VAV3: variants seen among roughly 807,000 people sequenced by gnomAD.
VAV3 encodes the protein vav guanine nucleotide exchange factor 3, also known as guanine nucleotide exchange factor VAV3.
VAV3 carries 94 observed loss-of-function variants against 131.2 expected under a neutral mutation model. The observed-to-expected ratio is 0.72, with a 90% confidence interval of 0.61 to 0.85. The LOEUF (loss-of-function observed/expected upper bound fraction) is 0.85. VAV3 is among the 40% of genes least tolerant of loss of function. The pLI, the probability that VAV3 is intolerant of heterozygous loss-of-function variation, is 0.00. For missense variants in VAV3, 939 were observed against 1,002.7 expected (o/e 0.94, Z 0.86); for synonymous variants, 349 against 342.0 (o/e 1.02, Z -0.22).
intron 2 of VAV3, among the ~76,000 whole-genome samples, chr1:107,834,082 G>C (rs17020151): frequency 0.059 from 9,026 of 152,178 alleles, 523 homozygotes; most frequent in African/African-American, 0.15. Flanking sequence ...AGAACCAGGT[G>C]TTTTAACTAC....
intron 17 of VAV3, among the ~76,000 whole-genome samples, chr1:107,703,257 G>T (rs1200208090): frequency 6.6e-6 from 1 of 152,144 alleles, no homozygotes; most frequent in Admixed American, 6.5e-5. Flanking sequence ...GGCAATTAAA[G>T]AATAACAACA....
chr1:107,753,485 T>TGTATATATACACAC (rs1663868242), intron 12 of VAV3, among the ~76,000 whole-genome samples: 1 of 110,516 alleles, frequency 9.0e-6, no homozygotes, highest in African/African-American at 3.4e-5. Context: ...TGTGTGTGTG[T>TGTATATATACACAC]ATATATATAC....
At chr1:107,588,715 C>A (rs1650698648) in intron 25 of VAV3, among the ~76,000 whole-genome samples, 1 of 152,188 alleles carries the variant, frequency 6.6e-6, no homozygotes, top group South Asian at 2.1e-4. Flanking sequence ...CAAAAGAAAT[C>A]TTTTCATGGT....
At position 107,683,519 on chromosome 1, in the gene VAV3, T is replaced by C; in HGVS notation, c.1746A>G (p.Gly582=). 1 of 1,614,014 alleles carries C rather than the reference T, an allele frequency of 6.2e-7. No individual in the cohort carries two copies. The stretch of plus-strand genomic sequence containing the variant: ...CCACCTGTTTAGGAGTTCTTCGCAG[T>C]CCATTGGTCCGTTTCTGTGCAGTAA... The part of the protein sequence containing the change: ...TLKLPEKRTN[G]LRRTPKQVDP... The change falls in exon 19 of 27, where the codon GGA becomes GGG. Residue 582 remains glycine, a synonymous_variant. Coordinates refer to ENST00000370056, the MANE Select transcript of VAV3 (RefSeq NM_006113.5).
At chr1:107,777,169 A>G in intron 4 of VAV3, 62 bp downstream of exon 4, 1 of 1,459,094 alleles carries the variant, frequency 6.9e-7, no homozygotes, top group Non-Finnish European at 9.6e-7. Context: ...ATCCACAGTT[A>G]AAACCCACAA....
chr1:107,631,851 C>A (rs1474778966), intron 20 of VAV3, among the ~76,000 whole-genome samples: 1 of 152,070 alleles, frequency 6.6e-6, no homozygotes, highest in South Asian at 2.1e-4. Flanking sequence ...TGTATATCTG[C>A]CACATTTTCT....
Position 107,863,455 on chromosome 1 carries a change from A to C in VAV3, c.321+11446T>G, listed in dbSNP as rs1212115742. The stretch of plus-strand genomic sequence containing the variant: ...TATGGTCATCTCCTGTCTATCTGTT[A>C]AAAAGTACTCACTGGCCCTTTGTCA... On this transcript the variant is annotated intron_variant, in intron 2 of 26. Coordinates refer to ENST00000370056, the MANE Select transcript of VAV3 (RefSeq NM_006113.5). Among the ~76,000 whole-genome samples, 5 of 152,304 alleles carry C rather than the reference A, an allele frequency of 3.3e-5. No individual in the cohort carries two copies. In the East Asian group the frequency reaches 7.7e-4, roughly 24 times the overall value.
At chr1:107,735,840 C>A (rs886212861) in intron 15 of VAV3, among the ~76,000 whole-genome samples, 2 of 152,102 alleles carry the variant, frequency 1.3e-5, no homozygotes, top group African/African-American at 4.8e-5. Flanking sequence ...GGGAATCCTC[C>A]CTAACTCATT....
intron 11 of VAV3, 28 bp downstream of exon 11, chr1:107,757,233 A>C (rs1557825353): frequency 1.2e-6 from 2 of 1,602,460 alleles, no homozygotes; most frequent in Admixed American, 3.4e-5. Context: ...TAAAAAATAC[A>C]AACAAATTAC....
intron 25 of VAV3, among the ~76,000 whole-genome samples, chr1:107,586,903 G>A (rs905509053): frequency 6.6e-6 from 1 of 151,994 alleles, no homozygotes; most frequent in Non-Finnish European, 1.5e-5. Flanking sequence ...ATCAATAAAA[G>A]AAAAAAACTT....
Position 107,757,137 on chromosome 1 carries a change from A to G in VAV3, c.1086+124T>C, listed in dbSNP as rs113820145. The G allele has an allele frequency of 1.3e-3, 808 of 623,488 alleles. 4 individuals are homozygous for G. In the African/African-American group the frequency reaches 0.015, roughly 12 times the overall value. 38.6% of individuals were successfully genotyped at this position (623,488 alleles called of 1,614,324 possible). On this transcript the variant is annotated intron_variant, in intron 11 of 26. Coordinates refer to ENST00000370056, the MANE Select transcript of VAV3 (RefSeq NM_006113.5). ...TATGTGTATATATATATGTTTGTGT[A>G]TATATATGTGTGTATATGTGTGTGT...
At position 107,643,419 on chromosome 1, in the gene VAV3, C is replaced by T. The variant is rs191124711; in HGVS notation, c.1778-664G>A. 2.3e-4 allele frequency among the ~76,000 whole-genome samples: 35 copies of T among 152,222 alleles called. No homozygotes were observed. The East Asian group carries it at 4.8e-3, about 21-fold the overall frequency. ...TATTTCTTTGAATGTGCAATGAAGG[C>T]CTCAGTTCACGATTTCATTTTTGAG... On this transcript the variant is annotated intron_variant, in intron 19 of 26. Coordinates refer to ENST00000370056, the MANE Select transcript of VAV3 (RefSeq NM_006113.5).
chr1:107,805,529 G>T (rs1263285282), intron 2 of VAV3, among the ~76,000 whole-genome samples: 1 of 152,068 alleles, frequency 6.6e-6, no homozygotes, highest in Non-Finnish European at 1.5e-5. Flanking sequence ...CAATCTCTTT[G>T]TTAAATTTCT....
At chr1:107,666,599 CTCACT>C (rs1657428230) in intron 19 of VAV3, among the ~76,000 whole-genome samples, 1 of 145,452 alleles carries the variant, frequency 6.9e-6, no homozygotes, top group African/African-American at 2.6e-5. Context: ...GAGACGGAGT[CTCACT>C]CTGCCACCAG....
intron 1 of VAV3, among the ~76,000 whole-genome samples, chr1:107,951,477 T>C (rs972615428): frequency 6.6e-6 from 1 of 152,042 alleles, no homozygotes; most frequent in African/African-American, 2.4e-5. Flanking sequence ...ACAAATGGGA[T>C]CTAATTAACT....
intron 15 of VAV3, among the ~76,000 whole-genome samples, chr1:107,728,619 GTATA>G (rs1662013982): frequency 2.9e-5 from 3 of 102,866 alleles, no homozygotes; most frequent in Admixed American, 2.1e-4. Flanking sequence ...ATATGTATAT[GTATA>G]TGTATATGTA....
At chr1:107,750,009 A>C (rs1205193295) in intron 13 of VAV3, among the ~76,000 whole-genome samples, 1 of 86,442 alleles carries the variant, frequency 1.2e-5, no homozygotes, top group Non-Finnish European at 2.3e-5. Flanking sequence ...GAATGCCTTG[A>C]GAAGTGTTCA....
chr1:107,874,498 T>C (rs1670394798), intron 2 of VAV3, among the ~76,000 whole-genome samples: 1 of 152,114 alleles, frequency 6.6e-6, no homozygotes, highest in Admixed American at 6.6e-5. Flanking sequence ...CTTTCAGATA[T>C]AGAGAAGACT....
chr1:107,829,923 C>T (rs1668174552), intron 2 of VAV3, among the ~76,000 whole-genome samples: 1 of 152,052 alleles, frequency 6.6e-6, no homozygotes, highest in Non-Finnish European at 1.5e-5. Context: ...AAGATATCTG[C>T]TATTTTACTC....
Sources: gnomAD v4.1 joint callset for allele counts (sites outside exome capture counted in the v4.1 genomes callset) on GRCh38, gnomAD v4.1.1 for gene constraint, MANE v1.5 for transcripts, NCBI Gene and HGNC (gene_info 2026-07-23, HGNC 2026-07-21) for gene names.